Variants in CCDC30 observed in about 807,000 individuals in gnomAD.
The protein encoded by CCDC30 is coiled-coil domain containing 30.
A neutral mutation model predicts 100.2 loss-of-function variants in CCDC30; 70 were observed. The observed-to-expected ratio is 0.70, with a 90% CI of 0.58 to 0.85. CCDC30 has a LOEUF of 0.85. CCDC30 is among the 40% of genes least tolerant of loss of function. The pLI is 0.00. For missense variants in CCDC30, 652 were observed against 771.2 expected (o/e 0.85, Z 1.83); for synonymous variants, 233 against 269.5 (o/e 0.86, Z 1.33).
At chr1:42,564,787 A>C (rs773716882) in intron 6 of CCDC30, among the ~76,000 whole-genome samples, 3 of 152,108 alleles carry the variant, frequency 2.0e-5, no homozygotes, top group Non-Finnish European at 4.4e-5. Context: ...TATCCTGTCT[A>C]TCTGAAACTT....
rs776652191 is a variant in CCDC30 at position 42,566,517 on chromosome 1, G to C, written c.636+42G>C. The C allele has an allele frequency of 1.8e-5, 28 of 1,533,290 alleles. No individual in the cohort carries two copies. In the Admixed American group the frequency reaches 3.9e-4, roughly 21 times the overall value. The allele number at this position is 1,533,290 out of a possible 1,614,324, so 95.0% of individuals were successfully genotyped here. A position where few individuals can be genotyped will look rare whatever the true frequency, so the allele number is the denominator to read the frequency against. ...AATGCTTTATGGAAGGGTTTCAGTTGGCCCTGGGAATAAACGAATCTAAGT... is the reference window on the plus strand; with the variant it reads ...AATGCTTTATGGAAGGGTTTCAGTTCGCCCTGGGAATAAACGAATCTAAGT... On this transcript the variant is annotated intron_variant, in intron 7 of 16. Transcript: ENST00000668663.
chr1:42,655,675 C>T (rs1433320013), downstream of CCDC30, among the ~76,000 whole-genome samples: 1 of 151,912 alleles, frequency 6.6e-6, no homozygotes, highest in Non-Finnish European at 1.5e-5. Context: ...TAAATATTTC[C>T]AAACAGGAGT....
chr1:42,635,725 A>G (rs145673215), intron 11 of CCDC30, among the ~76,000 whole-genome samples: 10,505 of 151,034 alleles, frequency 0.07, 448 homozygotes, highest in South Asian at 0.14. Flanking sequence ...GGAGAATGGC[A>G]TGAACCCGGG....
intron 11 of CCDC30, among the ~76,000 whole-genome samples, chr1:42,616,821 A>G (rs2148651533): frequency 6.6e-6 from 1 of 152,358 alleles, no homozygotes; most frequent in South Asian, 2.1e-4. Context: ...GCTGTACTGC[A>G]TCAACATGCT....
chr1:42,586,877 C>A (rs1462314725), intron 9 of CCDC30, among the ~76,000 whole-genome samples: 2 of 152,178 alleles, frequency 1.3e-5, no homozygotes, highest in South Asian at 2.1e-4. Flanking sequence ...TATCAGTACA[C>A]CAATTTCTTA....
At position 42,471,711 on chromosome 1, in the gene CCDC30, T is replaced by C. The variant is rs72952260; in HGVS notation, c.-92+7813T>C. ...GGGGGAACAGAAGAAAATTTTTAGT[T>C]ATATGTCATGAAGAGGACCTACAGA... On this transcript the variant is annotated intron_variant, in intron 1 of 16. Transcript: ENST00000668663. Among the ~76,000 whole-genome samples, 1,242 of 152,148 alleles carry C rather than the reference T, an allele frequency of 8.2e-3. 11 individuals carry two copies. The highest frequency in any genetic ancestry group is 0.027 in the African/African-American group (1,124 of 41,504).
intron 6 of CCDC30, among the ~76,000 whole-genome samples, chr1:42,564,122 A>T (rs779999677): frequency 5.3e-5 from 8 of 152,180 alleles, no homozygotes; most frequent in Admixed American, 1.3e-4. Flanking sequence ...AGCATACTGG[A>T]CCAGGACTAA....
intron 6 of CCDC30, among the ~76,000 whole-genome samples, chr1:42,522,059 T>C (rs1193614387): frequency 6.6e-6 from 1 of 152,154 alleles, no homozygotes; most frequent in Non-Finnish European, 1.5e-5. Context: ...GGTATTTGCA[T>C]AGAACTTATG....
At chr1:42,487,994 C>A (rs950749593) in intron 3 of CCDC30, among the ~76,000 whole-genome samples, 2 of 152,010 alleles carry the variant, frequency 1.3e-5, no homozygotes, top group Non-Finnish European at 2.9e-5. Context: ...ATTTGTTATA[C>A]GACATTAGAA....
At chr1:42,581,624 A>T in intron 9 of CCDC30, 110 bp downstream of exon 13, 1 of 901,104 alleles carries the variant, frequency 1.1e-6, no homozygotes, top group Non-Finnish European at 1.7e-6. Flanking sequence ...CTCTGTCCCC[A>T]CTGAAGTAAA....
intron 11 of CCDC30, among the ~76,000 whole-genome samples, chr1:42,615,887 T>C (rs1646718145): frequency 6.6e-6 from 1 of 152,104 alleles, no homozygotes; most frequent in African/African-American, 2.4e-5. Context: ...CAGAAATTAC[T>C]TGTGATTTTA....
chr1:42,527,502 G>C (rs1263133238), intron 6 of CCDC30, among the ~76,000 whole-genome samples: 1 of 152,126 alleles, frequency 6.6e-6, no homozygotes. Flanking sequence ...GGCATATTTT[G>C]TACTCAGTAA....
chr1:42,492,182 C>G (rs1644154443), intron 4 of CCDC30: 1 of 241,048 alleles, frequency 4.1e-6, no homozygotes, highest in Admixed American at 5.3e-5. Flanking sequence ...ATACAGAAGG[C>G]CTCTTATGCT....
intron 6 of CCDC30, among the ~76,000 whole-genome samples, chr1:42,550,611 C>T (rs1645231831): frequency 6.6e-6 from 1 of 152,230 alleles, no homozygotes; most frequent in South Asian, 2.1e-4. Flanking sequence ...AACTCCTTCT[C>T]AGAGTGGTAA....
At chr1:42,582,971 T>C (rs1222256792) in intron 9 of CCDC30, among the ~76,000 whole-genome samples, 1 of 152,238 alleles carries the variant, frequency 6.6e-6, no homozygotes, top group Non-Finnish European at 1.5e-5. Context: ...TTAATTTCTC[T>C]GTCAGAATTG....
intron 1 of CCDC30, among the ~76,000 whole-genome samples, chr1:42,476,884 T>G (rs1207143717): frequency 1.1e-5 from 1 of 94,920 alleles, no homozygotes; most frequent in East Asian, 4.2e-4. Context: ...TTGATGGAAG[T>G]TTTTTTTTTT....
At chr1:42,655,360 A>G (rs892716385), downstream of CCDC30, among the ~76,000 whole-genome samples, 3 of 151,964 alleles carry the variant, frequency 2.0e-5, no homozygotes, top group African/African-American at 7.2e-5. Context: ...TGGCCAACTT[A>G]GGGAAACCCC....
rs765748383 is a variant in CCDC30 at position 42,644,826 on chromosome 1, A to AT, written c.1671+21dup. ...AGGAGAGGTAAGATGTGTGCTTCCT[A>AT]TTGGGCCTGCCTTTAATGTGAAGTT... On this transcript the variant is annotated intron_variant, in intron 14 of 16. Transcript: ENST00000668663. 6.2e-5 allele frequency: 92 copies of AT among 1,479,112 alleles called. No individual in the cohort carries two copies. In the South Asian group the frequency reaches 9.5e-4, roughly 15 times the overall value. 91.6% of individuals were successfully genotyped at this position (1,479,112 alleles called of 1,614,324 possible).
At chr1:42,564,367 C>T (rs1645562338) in intron 6 of CCDC30, among the ~76,000 whole-genome samples, 1 of 152,082 alleles carries the variant, frequency 6.6e-6, no homozygotes, top group Admixed American at 6.5e-5. Flanking sequence ...GGCTGAAGTG[C>T]AATGGCATGA....
Sources: gnomAD v4.1 joint callset for allele counts (sites outside exome capture counted in the v4.1 genomes callset) on GRCh38, gnomAD v4.1.1 for gene constraint, MANE v1.5 for transcripts, NCBI Gene and HGNC (gene_info 2026-07-23, HGNC 2026-07-21) for gene names.